OR4D10: variants seen among roughly 807,000 people sequenced by gnomAD.
The protein encoded by OR4D10 is olfactory receptor family 4 subfamily D member 10.
For synonymous variants in OR4D10, 188 were observed against 153.2 expected (o/e 1.23, Z -1.68); for missense variants, 395 against 378.0 (o/e 1.04, Z -0.37).
Position 59,478,399 on chromosome 11 carries a change from T to C in OR4D10, c.*34T>C. On this transcript the variant is annotated 3_prime_UTR_variant, in exon 3 of 3. Transcript: ENST00000530162. ...ATCCTCAGCTCTTCATCACCAAAGA[T>C]ATCTTATATTTATTATTTTTCCCAT... 3 of 1,371,658 alleles carry C rather than the reference T, an allele frequency of 2.2e-6. No individual in the cohort carries two copies. The highest frequency in any genetic ancestry group is 2.9e-6 in the Non-Finnish European group (3 of 1,019,612). 85.0% of individuals were successfully genotyped at this position (1,371,658 alleles called of 1,614,324 possible). A position where few individuals can be genotyped will look rare whatever the true frequency, so the allele number is the denominator to read the frequency against.
At chr11:59,475,356 C>T (rs1858892780) in intron 2 of OR4D10, among the ~76,000 whole-genome samples, 1 of 152,094 alleles carries the variant, frequency 6.6e-6, no homozygotes. Flanking sequence ...TCTTCACCAC[C>T]GACTGACGTT....
At position 59,477,842 on chromosome 11, in the gene OR4D10, G is replaced by C; in HGVS notation, c.413G>C (p.Arg138Thr). ...KPLHYATIMSRDHCIGLTVAA... is the reference protein window; with the variant it reads ...KPLHYATIMSTDHCIGLTVAA... ...CTGCACTATGCGACTATCATGAGTA[G>C]AGACCATTGCATTGGGCTCACAGTG... Residue 138 changes from arginine (R) to threonine (T), a missense_variant, in exon 3 of 3, where the codon AGA becomes ACA. Physicochemically the swap from Arg to Thr is moderately conservative, Grantham distance 71 (BLOSUM62 -1). Coordinates refer to ENST00000530162, the MANE Select transcript of OR4D10 (RefSeq NM_001004705.2). 1 of 1,614,102 alleles carries C rather than the reference G, an allele frequency of 6.2e-7. No individual in the cohort carries two copies. Among genetic ancestry groups the C allele is most frequent in the South Asian group, 1.1e-5 (1 of 91,068 alleles).
Position 59,477,528 on chromosome 11 carries a change from G to A in OR4D10, c.99G>A (p.Leu33=), listed in dbSNP as rs372469184. Residue 33 remains leucine (L), a synonymous_variant, in exon 3 of 3, where the codon TTG becomes TTA. Transcript: ENST00000530162. ...VSLVLFLFLL[L]VYVTTLLGNL... Reference sequence around the variant, plus strand: ...TAGTCTTATTTCTTTTCCTACTCTTGGTGTATGTGACAACTTTGCTGGGAA... The same window carrying A: ...TAGTCTTATTTCTTTTCCTACTCTTAGTGTATGTGACAACTTTGCTGGGAA... 6.2e-6 allele frequency: 10 copies of A among 1,613,820 alleles called. No individual in the cohort carries two copies. Among genetic ancestry groups the A allele is most frequent in the Admixed American group, 3.3e-5 (2 of 60,002 alleles).
At position 59,478,390 on chromosome 11, in the gene OR4D10, C is replaced by T. The variant is rs758029779; in HGVS notation, c.*25C>T. 1 of 1,434,220 alleles carries T rather than the reference C, an allele frequency of 7.0e-7. No homozygotes were observed. 88.8% of individuals were successfully genotyped at this position (1,434,220 alleles called of 1,614,324 possible). A position where few individuals can be genotyped will look rare whatever the true frequency, so the allele number is the denominator to read the frequency against. The stretch of plus-strand genomic sequence containing the variant: ...GAAAAAAAAATCCTCAGCTCTTCAT[C>T]ACCAAAGATATCTTATATTTATTAT... On this transcript the variant is annotated 3_prime_UTR_variant, in exon 3 of 3. Coordinates refer to ENST00000530162, the MANE Select transcript of OR4D10 (RefSeq NM_001004705.2).
chr11:59,474,948 G>T (rs1438585054), intron 2 of OR4D10, among the ~76,000 whole-genome samples: 1 of 151,076 alleles, frequency 6.6e-6, no homozygotes, highest in East Asian at 1.9e-4. Context: ...GTAGTCCCAG[G>T]TACTAGGGAG....
At chr11:59,476,513 T>C (rs1406479399) in intron 2 of OR4D10, among the ~76,000 whole-genome samples, 1 of 152,088 alleles carries the variant, frequency 6.6e-6, no homozygotes, top group Non-Finnish European at 1.5e-5. Flanking sequence ...CCTAAGTAGC[T>C]GGGACCACAG....
chr11:59,477,391 A>T lies in OR4D10; in HGVS notation c.-39A>T, dbSNP rs1858918127. 7.0e-7 allele frequency: 1 copy of T among 1,425,678 alleles called. No homozygotes were observed. The highest frequency in any genetic ancestry group is 9.5e-7 in the Non-Finnish European group (1 of 1,052,642). 88.3% of individuals were successfully genotyped at this position (1,425,678 alleles called of 1,614,324 possible). A position where few individuals can be genotyped will look rare whatever the true frequency, so the allele number is the denominator to read the frequency against. On this transcript the variant is annotated 5_prime_UTR_variant, in exon 3 of 3. The change abolishes the stop of an existing upstream ORF in the 5' untranslated region. Coordinates refer to ENST00000530162, the MANE Select transcript of OR4D10 (RefSeq NM_001004705.2). ...ATAAATATCCCAGTGCTTTCACATG[A>T]CATGGTTTAAAACCAAAGAGAATAA...
chr11:59,478,392 C>A lies in OR4D10; in HGVS notation c.*27C>A. ...AAAAAAAATCCTCAGCTCTTCATCA[C>A]CAAAGATATCTTATATTTATTATTT... On this transcript the variant is annotated 3_prime_UTR_variant, in exon 3 of 3. Coordinates refer to ENST00000530162, the MANE Select transcript of OR4D10 (RefSeq NM_001004705.2). 10 of 1,410,898 alleles carry A rather than the reference C, an allele frequency of 7.1e-6. No individual in the cohort carries two copies. Among genetic ancestry groups the A allele is most frequent in the South Asian group, 2.8e-5 (2 of 70,604 alleles). 87.4% of individuals were successfully genotyped at this position (1,410,898 alleles called of 1,614,324 possible).
intron 2 of OR4D10, among the ~76,000 whole-genome samples, chr11:59,475,857 G>T (rs115333869): frequency 1.7e-3 from 260 of 152,298 alleles, no homozygotes; most frequent in African/African-American, 5.8e-3. Flanking sequence ...TATGCTGATC[G>T]AAACTTACCT....
intron 2 of OR4D10, among the ~76,000 whole-genome samples, chr11:59,475,573 G>C (rs370391036): frequency 6.6e-6 from 1 of 152,276 alleles, no homozygotes; most frequent in South Asian, 2.1e-4. Context: ...CCATCAGAGC[G>C]AAAATTGCTC....
intron 2 of OR4D10, among the ~76,000 whole-genome samples, chr11:59,474,391 G>A (rs970428746): frequency 6.6e-6 from 1 of 152,132 alleles, no homozygotes; most frequent in African/African-American, 2.4e-5. Context: ...AAACACTTTA[G>A]AAATGTGGCC....
At position 59,477,827 on chromosome 11, in the gene OR4D10, C is replaced by A; in HGVS notation, c.398C>A (p.Ala133Glu). 1.2e-6 allele frequency: 2 copies of A among 1,614,096 alleles called. No homozygotes were observed. Among genetic ancestry groups the A allele is most frequent in the Non-Finnish European group, 1.7e-6 (2 of 1,180,012 alleles). Reference sequence around the variant, plus strand: ...GCCATCTCCAAGCCCCTGCACTATGCGACTATCATGAGTAGAGACCATTGC... The same window carrying A: ...GCCATCTCCAAGCCCCTGCACTATGAGACTATCATGAGTAGAGACCATTGC... ...YVAISKPLHY[A>E]TIMSRDHCIG... The change falls in exon 3 of 3, where the codon GCG (alanine) becomes GAG (glutamate). Residue 133 changes from alanine to glutamate, a missense_variant. By Grantham distance (107) the Ala-to-Glu change is moderately radical (BLOSUM62 -1). Coordinates refer to ENST00000530162, the MANE Select transcript of OR4D10 (RefSeq NM_001004705.2).
At chr11:59,473,984 A>G (rs1858872140) in intron 2 of OR4D10, among the ~76,000 whole-genome samples, 191 bp downstream of exon 2, 1 of 152,214 alleles carries the variant, frequency 6.6e-6, no homozygotes, top group South Asian at 2.1e-4. Flanking sequence ...TTACCTTCGG[A>G]AAGACTTTTT....
intron 2 of OR4D10, among the ~76,000 whole-genome samples, chr11:59,475,725 T>C (rs754551485): frequency 2.6e-5 from 4 of 152,090 alleles, no homozygotes; most frequent in Non-Finnish European, 5.9e-5. Context: ...GCCTAATAAA[T>C]AGAGGGTCAG....
chr11:59,479,057 A>G lies in OR4D10; in HGVS notation c.*692A>G, dbSNP rs1328481205. The G allele has an allele frequency of 1.3e-5, 2 of 151,784 alleles. No individual in the cohort carries two copies. Among genetic ancestry groups the G allele is most frequent in the East Asian group, 1.9e-4 (1 of 5,182 alleles). The allele number at this position is 151,784 out of a possible 1,614,324, so 9.4% of individuals were successfully genotyped here. A position where few individuals can be genotyped will look rare whatever the true frequency, so the allele number is the denominator to read the frequency against. On this transcript the variant is annotated 3_prime_UTR_variant, in exon 3 of 3. Coordinates refer to ENST00000530162, the MANE Select transcript of OR4D10 (RefSeq NM_001004705.2). ...AGGTCATTACCTTGCCCTTTCTTGA[A>G]CCCCAAGCTCACTGGCCACCCTACC...
chr11:59,478,509 C>A lies in OR4D10; in HGVS notation c.*144C>A. ...TTTTTCTATTTATGTTAGTAAGTAA[C>A]TGATAAGCTTCTGGTCAGGGAGAGA... On this transcript the variant is annotated 3_prime_UTR_variant, in exon 3 of 3. Coordinates refer to ENST00000530162, the MANE Select transcript of OR4D10 (RefSeq NM_001004705.2). The A allele has an allele frequency of 1.8e-6, 1 of 569,188 alleles. No individual in the cohort carries two copies. Among genetic ancestry groups the A allele is most frequent in the Non-Finnish European group, 2.9e-6 (1 of 344,748 alleles). The allele number at this position is 569,188 out of a possible 1,614,324, so 35.3% of individuals were successfully genotyped here. A position where few individuals can be genotyped will look rare whatever the true frequency, so the allele number is the denominator to read the frequency against.
At chr11:59,475,463 C>T (rs1351334951) in intron 2 of OR4D10, among the ~76,000 whole-genome samples, 1 of 152,166 alleles carries the variant, frequency 6.6e-6, no homozygotes, top group Admixed American at 6.5e-5. Flanking sequence ...GAAGGCTTCC[C>T]GCACTAGTCT....
rs1246356200 is a variant in OR4D10, at chr11:59,473,798, G to A, written c.-169+5G>A. On this transcript the variant is annotated splice_donor_5th_base_variant and intron_variant, in intron 2 of 2. Transcript: ENST00000530162. ...TCAATGACAGAAACAACAAAGGTGGGTGTTAAACATTGGAAAAAATGATAT... is the reference window on the plus strand; with the variant it reads ...TCAATGACAGAAACAACAAAGGTGGATGTTAAACATTGGAAAAAATGATAT... 3.9e-5 allele frequency: 6 copies of A among 152,178 alleles called. No homozygotes were observed. The highest frequency in any genetic ancestry group is 8.8e-5 in the Non-Finnish European group (6 of 68,034). The allele number at this position is 152,178 out of a possible 1,614,324, so 9.4% of individuals were successfully genotyped here. A position where few individuals can be genotyped will look rare whatever the true frequency, so the allele number is the denominator to read the frequency against.
chr11:59,476,747 A>G (rs1202939314), intron 2 of OR4D10, among the ~76,000 whole-genome samples: 1 of 152,072 alleles, frequency 6.6e-6, no homozygotes. Flanking sequence ...TGATGGCAGA[A>G]TAAGGACCGA....
Sources: gnomAD v4.1 joint callset for allele counts (sites outside exome capture counted in the v4.1 genomes callset) on GRCh38, gnomAD v4.1.1 for gene constraint, MANE v1.5 for transcripts, NCBI Gene and HGNC (gene_info 2026-07-23, HGNC 2026-07-21) for gene names.